The following MINK1 variants were observed in gnomAD, a reference collection of about 807,000 sequenced individuals.
The protein encoded by MINK1 is misshapen like kinase 1.
A neutral mutation model predicts 178.4 loss-of-function variants in MINK1; 46 were observed. That is an observed-to-expected ratio of 0.26 (90% CI 0.20 to 0.33). The LOEUF is 0.33. MINK1 is among the 10% of genes least tolerant of loss of function. The pLI is 1.00. For synonymous variants in MINK1, 797 were observed against 709.7 expected, an observed-to-expected ratio of 1.12 and a Z score of -1.96; for missense variants, 1,366 against 1,814.9, an observed-to-expected ratio of 0.75 and a Z score of 4.49.
intron 1 of MINK1, among the ~76,000 whole-genome samples, chr17:4,839,100 T>A (rs974172390): frequency 1.3e-5 from 2 of 152,128 alleles, no homozygotes; most frequent in Non-Finnish European, 2.9e-5. Flanking sequence ...CCCGCCACAA[T>A]GCCTGGCTAA....
chr17:4,859,776 G>A (rs1173471832), intron 1 of MINK1, among the ~76,000 whole-genome samples: 3 of 84,852 alleles, frequency 3.5e-5, no homozygotes, highest in Non-Finnish European at 6.3e-5. Flanking sequence ...TGACAAGAGC[G>A]AAACTCCATC....
At chr17:4,849,327 G>A (rs1166352892) in intron 1 of MINK1, among the ~76,000 whole-genome samples, 1 of 152,208 alleles carries the variant, frequency 6.6e-6, no homozygotes, top group East Asian at 1.9e-4. Context: ...TTCAGCCTGA[G>A]GGGAAAACCT....
At chr17:4,891,926 C>T (rs763179552) in intron 16 of MINK1, among the ~76,000 whole-genome samples, 19 of 152,250 alleles carry the variant, frequency 1.2e-4, no homozygotes, top group South Asian at 4.1e-4. Context: ...AACGGAGAAA[C>T]GCCCAGGGTG....
intron 4 of MINK1, among the ~76,000 whole-genome samples, chr17:4,881,610 T>G (rs1967707998): frequency 6.6e-6 from 1 of 152,260 alleles, no homozygotes. Flanking sequence ...CCATCCATTT[T>G]CCTGCCTTTG....
intron 1 of MINK1, among the ~76,000 whole-genome samples, chr17:4,873,271 G>A (rs1966882133): frequency 6.6e-6 from 1 of 152,110 alleles, no homozygotes; most frequent in Non-Finnish European, 1.5e-5. Flanking sequence ...GTTTCTAACT[G>A]CACAATAGAA....
chr17:4,890,149 C>CGCT, intron 13 of MINK1: 1 of 654,442 alleles, frequency 1.5e-6, no homozygotes, highest in Non-Finnish European at 2.2e-6. Flanking sequence ...TTCTCCAACT[C>CGCT]GCTGCTGCTG....
chr17:4,884,173 CCT>C (rs1967986480), intron 4 of MINK1, among the ~76,000 whole-genome samples, 188 bp from the exon 5 acceptor site: 1 of 152,000 alleles, frequency 6.6e-6, no homozygotes, highest in African/African-American at 2.4e-5. Context: ...AGCCTTTTTC[CCT>C]CTCTGTCTTG....
In MINK1 at chr17:4,885,028, CGAG is replaced by C. The variant is rs1567605395; in HGVS notation, c.508+29_508+31del. The stretch of plus-strand genomic sequence containing the variant: ...GTGCGCCGGCTCCTTCTGAGGCTGA[CGAG>C]GACCTTTCACCTCCAGAACAGAGAA... On this transcript the variant is annotated intron_variant, in intron 6 of 31. Transcript: ENST00000355280. This position sits in a 1 kb window ranked among gnomAD's most constrained non-coding sequence, Gnocchi z 5.0. The C allele has an allele frequency of 1.9e-6, 3 of 1,609,930 alleles. No individual in the cohort carries two copies. Among genetic ancestry groups the C allele is most frequent in the East Asian group, 4.5e-5 (2 of 44,856 alleles).
At position 4,887,465 on chromosome 17, in the gene MINK1, C is replaced by T; in HGVS notation, c.1020-115C>T. The T allele has an allele frequency of 1.9e-6, 2 of 1,029,766 alleles. No homozygotes were observed. The highest frequency in any genetic ancestry group is 5.9e-5 in the Admixed American group (2 of 34,004). 63.8% of individuals were successfully genotyped at this position (1,029,766 alleles called of 1,614,324 possible). ...AAGTCTCCTGGCCACCTGGGAGTGG[C>T]CAGAGGCAGAGGCTTTGATCCAGTT... is the stretch of plus-strand genomic sequence containing the variant. On this transcript the variant is annotated intron_variant, in intron 11 of 31. Coordinates refer to ENST00000355280, the MANE Select transcript of MINK1 (RefSeq NM_153827.5). This position sits in a 1 kb window ranked among gnomAD's most constrained non-coding sequence, Gnocchi z 7.6.
In MINK1 at chr17:4,894,293, G is replaced by A. The variant is rs200556864; in HGVS notation, c.2790G>A (p.Ser930=). The A allele has an allele frequency of 2.0e-3, 3,304 of 1,612,650 alleles. 4 individuals carry two copies. The highest frequency in any genetic ancestry group is 2.3e-3 in the Non-Finnish European group (2,703 of 1,179,664). ...TENSKGQSPP[S]KDGSGDYQSR... ...ACAGCAAAGGCCAAAGCCCACCCTCGAAGGATGGGAGTGGTGACGTAAGTG... is the reference window on the plus strand; with the variant it reads ...ACAGCAAAGGCCAAAGCCCACCCTCAAAGGATGGGAGTGGTGACGTAAGTG... The change falls in exon 23 of 32, where the codon TCG becomes TCA. Residue 930 remains serine (S), a synonymous_variant. Coordinates refer to ENST00000355280, the MANE Select transcript of MINK1 (RefSeq NM_153827.5). The surrounding 1 kb of genome is among the most constrained non-coding windows in gnomAD (Gnocchi z 4.1).
chr17:4,878,493 C>G (rs370503896), intron 2 of MINK1, 111 bp downstream of exon 2: 3 of 970,422 alleles, frequency 3.1e-6, no homozygotes, highest in Middle Eastern at 2.8e-4. Flanking sequence ...ATGGGAGATG[C>G]TAGAGTCTAG....
chr17:4,896,395 A>C lies in MINK1; in HGVS notation c.3616-34A>C. 2 of 1,610,608 alleles carry C rather than the reference A, an allele frequency of 1.2e-6. No homozygotes were observed. The highest frequency in any genetic ancestry group is 4.5e-5 in the East Asian group (2 of 44,844). ...TGGGATGGCCCAGTCTGGGCACCAG[A>C]CACGGAGACTCTAGTCCCCCTCCTT... is the stretch of plus-strand genomic sequence containing the variant. On this transcript the variant is annotated intron_variant, in intron 29 of 31. Transcript: ENST00000355280. The surrounding 1 kb of genome is among the most constrained non-coding windows in gnomAD (Gnocchi z 4.6).
chr17:4,861,378 C>T (rs1451209687), intron 1 of MINK1, among the ~76,000 whole-genome samples: 1 of 152,210 alleles, frequency 6.6e-6, no homozygotes, highest in Non-Finnish European at 1.5e-5. Flanking sequence ...GGCACAGTGC[C>T]AGGCGACATC....
chr17:4,893,787 G>A (rs1484194146), intron 21 of MINK1, 190 bp downstream of exon 21: 2 of 966,750 alleles, frequency 2.1e-6, no homozygotes, highest in Non-Finnish European at 3.0e-6. Flanking sequence ...CTCTTCAAGT[G>A]CCTGTCTGCC....
chr17:4,895,527 G>C lies in MINK1; in HGVS notation c.3229+34G>C, dbSNP rs778901480. ...GTGGTGAGTGGGGGAGGGAGGAGGG[G>C]CTCAGCTCCTTGGCGCTGTCACCAT... is the stretch of plus-strand genomic sequence containing the variant. On this transcript the variant is annotated intron_variant, in intron 26 of 31. Coordinates refer to ENST00000355280, the MANE Select transcript of MINK1 (RefSeq NM_153827.5). The surrounding 1 kb of genome is among the most constrained non-coding windows in gnomAD (Gnocchi z 4.3). The C allele has an allele frequency of 2.1e-5, 32 of 1,554,784 alleles. No individual in the cohort carries two copies. Among genetic ancestry groups the C allele is most frequent in the Non-Finnish European group, 2.8e-5 (32 of 1,146,488 alleles).
intron 13 of MINK1, chr17:4,890,187 G>C: frequency 1.9e-6 from 2 of 1,046,996 alleles, no homozygotes; most frequent in Middle Eastern, 3.7e-4. Context: ...CTCCTTCCCT[G>C]CCCTCTGCCC....
chr17:4,876,277 G>A (rs537451504), intron 1 of MINK1, among the ~76,000 whole-genome samples: 3 of 152,300 alleles, frequency 2.0e-5, no homozygotes. Flanking sequence ...GCCTCAGTGA[G>A]GTCCTAGACA....
rs772656360 is a variant in MINK1 at position 4,892,992 on chromosome 17, G to C, written c.2325G>C (p.Pro775=). Residue 775 remains proline, a synonymous_variant, in exon 20 of 32, where the codon CCG becomes CCC. Transcript: ENST00000355280. ...ERNRVGVSSK[P]DSSPVLSPGN... ...CCTGCCGTCCAGTCTCCTCCAAACC[G>C]GACAGCTCCCCTGTGCTCTCCCCTG... 1.3e-6 allele frequency: 2 copies of C among 1,575,664 alleles called. No individual in the cohort carries two copies. The highest frequency in any genetic ancestry group is 2.7e-5 in the African/African-American group (2 of 73,612).
Position 4,890,937 on chromosome 17 carries a change from C to T in MINK1, c.1567-14C>T. ...GGCAAGAGCTGGCCTGCTTGACATC[C>T]CTTCACATCACAGGTAGAAGAGAGA... On this transcript the variant is annotated splice_polypyrimidine_tract_variant and intron_variant, in intron 14 of 31. Coordinates refer to ENST00000355280, the MANE Select transcript of MINK1 (RefSeq NM_153827.5). 6.4e-7 allele frequency: 1 copy of T among 1,552,828 alleles called. No homozygotes were observed. The highest frequency in any genetic ancestry group is 8.7e-7 in the Non-Finnish European group (1 of 1,147,670).
Sources: gnomAD v4.1 joint callset for allele counts (sites outside exome capture counted in the v4.1 genomes callset) on GRCh38, gnomAD v4.1.1 for gene constraint, Gnocchi (gnomAD v3.1) non-coding constraint, MANE v1.5 for transcripts, NCBI Gene and HGNC (gene_info 2026-07-23, HGNC 2026-07-21) for gene names.